Variants in MICAL2 observed in about 807,000 individuals in gnomAD.
MICAL2 encodes [F-actin]-monooxygenase MICAL2.
A neutral mutation model predicts 127.3 loss-of-function variants in MICAL2; 77 were observed. The observed-to-expected ratio is 0.60, with a 90% CI of 0.50 to 0.73. The LOEUF is 0.73. MICAL2 is among the 30% of genes least tolerant of loss of function. The pLI, the probability that MICAL2 is intolerant of heterozygous loss-of-function variation, is 0.00. For missense variants in MICAL2, 1,351 were observed against 1,434.4 expected (o/e 0.94, Z 0.94); for synonymous variants, 570 against 551.1 (o/e 1.03, Z -0.48).
At chr11:12,168,861 C>T (rs374805129) in intron 3 of MICAL2, among the ~76,000 whole-genome samples, 6 of 148,216 alleles carry the variant, frequency 4.0e-5, no homozygotes, top group Non-Finnish European at 7.4e-5. Flanking sequence ...GTGGGAGGAT[C>T]GCTTGAGCCC....
At chr11:12,206,252 C>T (rs1854666677) in intron 4 of MICAL2, among the ~76,000 whole-genome samples, 1 of 152,192 alleles carries the variant, frequency 6.6e-6, no homozygotes, top group African/African-American at 2.4e-5. Context: ...GGGCCCTGGG[C>T]TGGTTGGGCT....
At chr11:12,230,052 G>T (rs1231817910) in intron 15 of MICAL2, among the ~76,000 whole-genome samples, 3 of 152,134 alleles carry the variant, frequency 2.0e-5, no homozygotes, top group African/African-American at 7.2e-5. Context: ...AAGGCTACTG[G>T]GTCACCACAC....
In MICAL2 at chr11:12,255,426, G is replaced by A. The variant is rs75380842; in HGVS notation, c.2848-217G>A. On this transcript the variant is annotated intron_variant, in intron 22 of 27. Coordinates refer to ENST00000683283, the MANE Select transcript of MICAL2 (RefSeq NM_001282663.2). ...ATATAAGTGGAATCCTAGAGTACTT[G>A]TGTTTTTGCGGCCACAGGGTTTTAT... 306 of 554,554 alleles carry A rather than the reference G, an allele frequency of 5.5e-4. 2 individuals are homozygous for A. Among genetic ancestry groups the A allele is most frequent in the African/African-American group, 5.1e-3 (270 of 53,064 alleles). 34.4% of individuals were successfully genotyped at this position (554,554 alleles called of 1,614,324 possible).
intron 1 of MICAL2, among the ~76,000 whole-genome samples, chr11:12,112,023 A>T (rs1849647965): frequency 6.6e-6 from 1 of 152,166 alleles, no homozygotes; most frequent in Non-Finnish European, 1.5e-5. Flanking sequence ...TTTGCAGCCA[A>T]TTTCATGGTT....
At chr11:12,284,615 A>AT (rs1034665082) in intron 2 of MICAL2, among the ~76,000 whole-genome samples, 131 of 148,766 alleles carry the variant, frequency 8.8e-4, no homozygotes, top group African/African-American at 2.4e-3. Flanking sequence ...GCTTTATGCA[A>AT]TTTTTTTTTT....
chr11:12,287,410 C>T (rs1180977982), downstream of MICAL2: 2 of 331,938 alleles, frequency 6.0e-6, no homozygotes, highest in Non-Finnish European at 1.1e-5. Context: ...AATTATGGAG[C>T]CTTAGGATTC....
intron 22 of MICAL2, chr11:12,254,508 G>C (rs1383962255): frequency 6.6e-6 from 1 of 152,458 alleles, no homozygotes; most frequent in African/African-American, 2.4e-5. Flanking sequence ...CTGTCTGAGG[G>C]GGCTTGGTTC....
intron 3 of MICAL2, 74 bp downstream of exon 3, chr11:12,162,493 C>T (rs2133807644): frequency 1.3e-6 from 2 of 1,559,596 alleles, no homozygotes; most frequent in Non-Finnish European, 1.7e-6. Flanking sequence ...GAAGCTGTTG[C>T]CATTTTGGCA....
intron 29 of MICAL2, among the ~76,000 whole-genome samples, chr11:12,310,664 G>A (rs11022293): frequency 0.052 from 7,925 of 151,984 alleles, 389 homozygotes; most frequent in Admixed American, 0.15. Flanking sequence ...GGGGTCTTTC[G>A]TGGTTCTGTA....
intron 3 of MICAL2, among the ~76,000 whole-genome samples, chr11:12,165,295 G>A (rs2133829503): frequency 6.6e-6 from 1 of 152,340 alleles, no homozygotes; most frequent in East Asian, 1.9e-4. Context: ...CCAGCTCCAT[G>A]AGGCCGGTGC....
At chr11:12,284,930 T>C (rs1445164219) in intron 2 of MICAL2, among the ~76,000 whole-genome samples, 2 of 152,212 alleles carry the variant, frequency 1.3e-5, no homozygotes, top group Non-Finnish European at 2.9e-5. Flanking sequence ...CCTTGCCTGC[T>C]GCCTAGACTG....
chr11:12,242,457 C>A (rs532546049), intron 19 of MICAL2, 25 bp downstream of exon 19: 2 of 1,583,110 alleles, frequency 1.3e-6, no homozygotes, highest in African/African-American at 2.7e-5. Context: ...TTTTGCCCGT[C>A]TCTGTCCGTG....
Position 12,242,212 on chromosome 11 carries a change from A to C in MICAL2, c.2338-2A>C. The C allele has an allele frequency of 6.3e-7, 1 of 1,598,502 alleles. No individual in the cohort carries two copies. The highest frequency in any genetic ancestry group is 8.6e-7 in the Non-Finnish European group (1 of 1,168,272). ...GGAAGCTTAATTTTCCCTCTTTCCCAGTTCCCCTCTGTGGTCGTGACGGGG... is the reference window on the plus strand; with the variant it reads ...GGAAGCTTAATTTTCCCTCTTTCCCCGTTCCCCTCTGTGGTCGTGACGGGG... On this transcript the variant is annotated splice_acceptor_variant, in intron 18 of 27. Coordinates refer to ENST00000683283, the MANE Select transcript of MICAL2 (RefSeq NM_001282663.2). LOFTEE classifies it high-confidence loss of function.
Position 12,337,074 on chromosome 11 carries a change from A to G in MICAL2, c.5515+9808A>G, listed in dbSNP as rs560497826. On this transcript the variant is annotated intron_variant, in intron 32 of 34. Transcript: ENST00000646065. ...TCTGGTAGAATTCGGCTGTGAATCC[A>G]TCTGGTCCTGGACTTGTTTTGGTTG... Among the ~76,000 whole-genome samples, 8 of 152,278 alleles carry G rather than the reference A, an allele frequency of 5.3e-5. No homozygotes were observed. The South Asian group carries it at 1.2e-3, about 24-fold the overall frequency.
At chr11:12,344,076 G>A (rs545387652) in intron 32 of MICAL2, among the ~76,000 whole-genome samples, 5 of 152,156 alleles carry the variant, frequency 3.3e-5, no homozygotes, top group South Asian at 2.1e-4. Context: ...CAGGTGGATC[G>A]CTTGAGCCCA....
intron 29 of MICAL2, among the ~76,000 whole-genome samples, chr11:12,304,010 A>G (rs970336788): frequency 1.3e-5 from 2 of 152,260 alleles, no homozygotes; most frequent in Non-Finnish European, 2.9e-5. Context: ...AGCCTGGGCA[A>G]GAGACCAATA....
chr11:12,185,160 GATGAA>G (rs1858042213), intron 3 of MICAL2, among the ~76,000 whole-genome samples: 1 of 100,324 alleles, frequency 1.0e-5, no homozygotes, highest in Non-Finnish European at 2.2e-5. Context: ...TGGGTGTGTG[GATGAA>G]TGGGTGGGTG....
chr11:12,162,394 G>C lies in MICAL2; in HGVS notation c.239G>C (p.Arg80Pro). 4 of 1,614,252 alleles carry C rather than the reference G, an allele frequency of 2.5e-6. No individual in the cohort carries two copies. The highest frequency in any genetic ancestry group is 3.4e-6 in the Non-Finnish European group (4 of 1,180,050). ...CGTGGTTCCCACAAAGAGTATAAGC[G>C]AGGGAAGTCGTGCACGAACACCAAG... ...DKRGSHKEYKRGKSCTNTKCL... is the reference protein window; with the variant it reads ...DKRGSHKEYKPGKSCTNTKCL... The change falls in exon 3 of 28, where the codon CGA becomes CCA. Residue 80 changes from arginine to proline, a missense_variant. Around this residue, in one of 2 missense-constraint regions of MICAL2, gnomAD observed 599 missense variants for 714.9 expected, o/e 0.84. Coordinates refer to ENST00000683283, the MANE Select transcript of MICAL2 (RefSeq NM_001282663.2).
intron 1 of MICAL2, among the ~76,000 whole-genome samples, chr11:12,136,247 G>A (rs1337817677): frequency 6.6e-6 from 1 of 152,126 alleles, no homozygotes; most frequent in East Asian, 1.9e-4. Flanking sequence ...TGATTACAAA[G>A]GAAAATATAG....
Sources: gnomAD v4.1 joint callset for allele counts (sites outside exome capture counted in the v4.1 genomes callset) on GRCh38, gnomAD v4.1.1 for gene constraint, gnomAD v4.1.1 regional missense constraint, MANE v1.5 for transcripts, NCBI Gene and HGNC (gene_info 2026-07-23, HGNC 2026-07-21) for gene names.